Variants in HMCN1 observed in about 807,000 individuals in gnomAD.
The protein encoded by HMCN1 is hemicentin-1.
Under a neutral mutation model 625.9 loss-of-function variants are expected in HMCN1, and 321 were observed. The ratio of observed to expected loss-of-function variants is 0.51; its 90% CI spans 0.47 to 0.56. HMCN1 has a LOEUF of 0.56. HMCN1 is among the 20% of genes least tolerant of loss of function. HMCN1 has a pLI of 0.00. For synonymous variants in HMCN1, 2,425 were observed against 2,417.6 expected (o/e 1.00, Z -0.09); for missense variants, 6,588 against 6,887.3 (o/e 0.96, Z 1.54).
intron 4 of HMCN1, among the ~76,000 whole-genome samples, chr1:185,896,477 G>T (rs16824673): frequency 6.6e-6 from 1 of 152,094 alleles, no homozygotes; most frequent in Non-Finnish European, 1.5e-5. Flanking sequence ...ATTATTTGCA[G>T]GTAGTACAAT....
Position 186,130,506 on chromosome 1 carries a change from G to C in HMCN1, c.13040-1G>C, listed in dbSNP as rs1397564873. The C allele has an allele frequency of 6.2e-7, 1 of 1,612,624 alleles. No homozygotes were observed. Among genetic ancestry groups the C allele is most frequent in the Non-Finnish European group, 8.5e-7 (1 of 1,178,998 alleles). The stretch of plus-strand genomic sequence containing the variant: ...TGTACCTGTCTTATGTTGTTTTCCA[G>C]AACCTCCAGTCTTCAAAGGTGATTA... On this transcript the variant is annotated splice_acceptor_variant, in intron 84 of 106. Coordinates refer to ENST00000271588, the MANE Select transcript of HMCN1 (RefSeq NM_031935.3). LOFTEE classifies it high-confidence loss of function.
chr1:186,083,121 G>A (rs1292242493), intron 57 of HMCN1, among the ~76,000 whole-genome samples, 160 bp downstream of exon 57: 1 of 152,078 alleles, frequency 6.6e-6, no homozygotes, highest in Non-Finnish European at 1.5e-5. Context: ...ACGATGGCTA[G>A]TAGGATTTAT....
At chr1:185,865,002 A>C (rs1329166032) in intron 3 of HMCN1, among the ~76,000 whole-genome samples, 1 of 152,234 alleles carries the variant, frequency 6.6e-6, no homozygotes, top group Non-Finnish European at 1.5e-5. Flanking sequence ...CTATTGCTGC[A>C]TGACAAACTT....
In HMCN1 at chr1:186,136,820, T is replaced by C. The variant is rs1165462594; in HGVS notation, c.13465T>C (p.Leu4489=). 3 of 1,613,948 alleles carry C rather than the reference T, an allele frequency of 1.9e-6. No homozygotes were observed. The highest frequency in any genetic ancestry group is 2.7e-5 in the African/African-American group (2 of 74,912). Residue 4489 remains leucine, a synonymous_variant, in exon 87 of 107, where the codon TTG becomes CTG. Transcript: ENST00000271588. ...TTCCTGGGATGACCGGGTTAACGTGTTGTCCAACAACTCATTATATATTGC... is the reference window on the plus strand; with the variant it reads ...TTCCTGGGATGACCGGGTTAACGTGCTGTCCAACAACTCATTATATATTGC... The part of the protein sequence containing the change: ...SISWDDRVNV[L]SNNSLYIADA...
chr1:185,897,667 A>G (rs1456379414), intron 4 of HMCN1, among the ~76,000 whole-genome samples: 1 of 152,196 alleles, frequency 6.6e-6, no homozygotes, highest in African/African-American at 2.4e-5. Flanking sequence ...CAGATAAACC[A>G]GATTTGACCA....
At chr1:185,967,581 A>G (rs1221470883) in intron 14 of HMCN1, among the ~76,000 whole-genome samples, 4 of 152,038 alleles carry the variant, frequency 2.6e-5, no homozygotes, top group African/African-American at 4.8e-5. Flanking sequence ...TACCCTCCCA[A>G]GTTACAGGCA....
chr1:185,983,991 T>C (rs1202963560), intron 18 of HMCN1, among the ~76,000 whole-genome samples, 178 bp from the exon 19 acceptor site: 1 of 152,178 alleles, frequency 6.6e-6, no homozygotes, highest in African/African-American at 2.4e-5. Context: ...CAGGATTAAA[T>C]TGTACAATCA....
At position 186,171,999 on chromosome 1, in the gene HMCN1, T is replaced by C. The variant is rs370901552; in HGVS notation, c.15689-7T>C. ...TTAATCTACATTACCTTTGTTCTTT[T>C]ATCAAGATGTGAACGAGTGTAGACA... is the stretch of plus-strand genomic sequence containing the variant. On this transcript the variant is annotated splice_region_variant and splice_polypyrimidine_tract_variant and intron_variant, in intron 101 of 106. Coordinates refer to ENST00000271588, the MANE Select transcript of HMCN1 (RefSeq NM_031935.3). The C allele has an allele frequency of 1.3e-4, 204 of 1,612,866 alleles. No homozygotes were observed. The highest frequency in any genetic ancestry group is 1.7e-4 in the Non-Finnish European group (195 of 1,179,212).
Position 186,151,204 on chromosome 1 carries a change from G to T in HMCN1, c.14613G>T (p.Gly4871=). Residue 4871 remains glycine, a synonymous_variant, in exon 94 of 107, where the codon GGG becomes GGT. Transcript: ENST00000271588. ...TGTTTTTTTTTCCCCCAATAGGTGGGCCCCAGCGAGCCAGAGGAAGTGTTA... is the reference window on the plus strand; with the variant it reads ...TGTTTTTTTTTCCCCCAATAGGTGGTCCCCAGCGAGCCAGAGGAAGTGTTA... ...TRCNVQACPG[G]PQRARGSVIG... The T allele has an allele frequency of 6.2e-7, 1 of 1,613,578 alleles. No individual in the cohort carries two copies. Among genetic ancestry groups the T allele is most frequent in the Non-Finnish European group, 8.5e-7 (1 of 1,179,734 alleles).
chr1:186,157,112 G>T (rs982181678), intron 97 of HMCN1, among the ~76,000 whole-genome samples: 1 of 152,150 alleles, frequency 6.6e-6, no homozygotes, highest in Non-Finnish European at 1.5e-5. Context: ...AATTAGTCAA[G>T]CTTGGCAATT....
At chr1:186,127,226 CAT>C (rs1661692793) in intron 82 of HMCN1, among the ~76,000 whole-genome samples, 1 of 151,958 alleles carries the variant, frequency 6.6e-6, no homozygotes, top group Admixed American at 6.6e-5. Context: ...GAATGTGAGA[CAT>C]ATCTTAGGCA....
intron 1 of HMCN1, among the ~76,000 whole-genome samples, chr1:185,751,296 T>C (rs1654798870): frequency 6.6e-6 from 1 of 152,164 alleles, no homozygotes; most frequent in South Asian, 2.1e-4. Context: ...AAGTATAAAA[T>C]TCTATATCTA....
At chr1:185,883,185 A>T (rs1664417807) in intron 4 of HMCN1, among the ~76,000 whole-genome samples, 1 of 152,118 alleles carries the variant, frequency 6.6e-6, no homozygotes, top group Non-Finnish European at 1.5e-5. Flanking sequence ...CATGCTTATG[A>T]CATTTATCTT....
chr1:185,867,163 T>C (rs1021136548), intron 4 of HMCN1, among the ~76,000 whole-genome samples: 2 of 152,202 alleles, frequency 1.3e-5, no homozygotes, highest in Admixed American at 6.5e-5. Flanking sequence ...ATTTATAAAA[T>C]TAATCTTAAA....
At chr1:185,828,356 A>G (rs550329058) in intron 1 of HMCN1, among the ~76,000 whole-genome samples, 2 of 152,284 alleles carry the variant, frequency 1.3e-5, no homozygotes, top group East Asian at 1.9e-4. Flanking sequence ...AAACAAAAAT[A>G]ACACTTTATA....
intron 7 of HMCN1, 97 bp downstream of exon 7, chr1:185,922,596 TA>T: frequency 1.7e-6 from 2 of 1,180,824 alleles, no homozygotes; most frequent in Non-Finnish European, 2.4e-6. Context: ...TAGTATTCAA[TA>T]AAATTGAGAA....
At chr1:186,071,239 T>C (rs1172405102) in intron 52 of HMCN1, among the ~76,000 whole-genome samples, 2 of 152,160 alleles carry the variant, frequency 1.3e-5, no homozygotes, top group Non-Finnish European at 2.9e-5. Flanking sequence ...ACTCAGATAT[T>C]CTTTAAGTAT....
At chr1:186,008,591 G>C (rs1653789804) in intron 30 of HMCN1, among the ~76,000 whole-genome samples, 1 of 152,000 alleles carries the variant, frequency 6.6e-6, no homozygotes, top group African/African-American at 2.4e-5. Context: ...TTTGTGTTGA[G>C]GCCCAACCAC....
chr1:185,930,311 A>G (rs1667478380), intron 10 of HMCN1, among the ~76,000 whole-genome samples: 1 of 152,192 alleles, frequency 6.6e-6, no homozygotes, highest in Admixed American at 6.6e-5. Context: ...TTTGAACTTG[A>G]AAGAGAGGAC....
Sources: gnomAD v4.1 joint callset for allele counts (sites outside exome capture counted in the v4.1 genomes callset) on GRCh38, gnomAD v4.1.1 for gene constraint, MANE v1.5 for transcripts, NCBI Gene and HGNC (gene_info 2026-07-23, HGNC 2026-07-21) for gene names.